ZFTA: variants seen among roughly 807,000 people sequenced by gnomAD.
ZFTA encodes zinc finger translocation-associated protein.
In ZFTA, 35 loss-of-function variants were observed where a neutral mutation model predicts 41.8. That is an observed-to-expected ratio of 0.84 (90% CI 0.64 to 1.11). The LOEUF (loss-of-function observed/expected upper bound fraction) is 1.11, where lower values mean the gene tolerates loss of function less well. Ranked by LOEUF, ZFTA falls within the 50% of genes most tolerant of loss-of-function variation. ZFTA has a pLI of 0.00. For synonymous variants in ZFTA, 514 were observed against 436.4 expected (o/e 1.18, Z -2.22); for missense variants, 964 against 989.8 (o/e 0.97, Z 0.35).
At position 63,765,266 on chromosome 11, in the gene ZFTA, G is replaced by A. The variant is rs1185159442; in HGVS notation, c.638-12C>T. 5 of 1,442,082 alleles carry A rather than the reference G, an allele frequency of 3.5e-6. No homozygotes were observed. The highest frequency in any genetic ancestry group is 4.5e-6 in the Non-Finnish European group (5 of 1,104,868). The allele number at this position is 1,442,082 out of a possible 1,614,324, so 89.3% of individuals were successfully genotyped here. On this transcript the variant is annotated splice_polypyrimidine_tract_variant and intron_variant, in intron 2 of 4. Transcript: ENST00000433688. The surrounding 1 kb of genome is among the most constrained non-coding windows in gnomAD (Gnocchi z 4.0). ...AGCTGGGGCTTTGCCTGAAAGGGTT[G>A]GAGGGAAGGAACTGAGACGCTGGCC...
Position 63,762,979 on chromosome 11 carries a change from C to G in ZFTA, c.*439G>C, listed in dbSNP as rs1163900154. The G allele has an allele frequency of 6.6e-6, 1 of 151,246 alleles. No individual in the cohort carries two copies. The highest frequency in any genetic ancestry group is 3.2e-3 in the Middle Eastern group (1 of 314). The allele number at this position is 151,246 out of a possible 1,614,324, so 9.4% of individuals were successfully genotyped here. On this transcript the variant is annotated 3_prime_UTR_variant, in exon 5 of 5. Coordinates refer to ENST00000433688, the MANE Select transcript of ZFTA (RefSeq NM_001144936.2). ...TGCCAGCGTGCAAGGCTGCAGGGAACTGGGCCCCCAGCCAGGGCCAGAGCC... is the reference window on the plus strand; with the variant it reads ...TGCCAGCGTGCAAGGCTGCAGGGAAGTGGGCCCCCAGCCAGGGCCAGAGCC...
chr11:63,761,849 G>C lies in ZFTA; in HGVS notation c.*1569C>G, dbSNP rs1224166520. 6.6e-6 allele frequency: 1 copy of C among 152,296 alleles called. No homozygotes were observed. The highest frequency in any genetic ancestry group is 1.5e-5 in the Non-Finnish European group (1 of 68,152). 9.4% of individuals were successfully genotyped at this position (152,296 alleles called of 1,614,324 possible). A position where few individuals can be genotyped will look rare whatever the true frequency, so the allele number is the denominator to read the frequency against. On this transcript the variant is annotated 3_prime_UTR_variant, in exon 5 of 5. Transcript: ENST00000433688. ...GCTCTGGCCTGGGGGTCAGGGATGA[G>C]AGGAGGGGCCTCCTCTTTGCCCTCT...
chr11:63,763,914 G>A (rs1444442868), intron 4 of ZFTA, 45 bp from the exon 5 acceptor site: 3 of 1,392,298 alleles, frequency 2.2e-6, no homozygotes, highest in Admixed American at 6.6e-5. Context: ...GGGGGGCAGC[G>A]GGCTGGGCCC....
Position 63,768,706 on chromosome 11 carries a change from G to A in ZFTA, c.-84C>T, listed in dbSNP as rs2135100475. 2 of 619,442 alleles carry A rather than the reference G, an allele frequency of 3.2e-6. No homozygotes were observed. Among genetic ancestry groups the A allele is most frequent in the Non-Finnish European group, 4.0e-6 (2 of 499,292 alleles). 38.4% of individuals were successfully genotyped at this position (619,442 alleles called of 1,614,324 possible). ...GCAGCCCGCGCGGAGCGCTCGCTGC[G>A]CGGGGCCCCGGGGCGCGGGGCGCAT... is the stretch of plus-strand genomic sequence containing the variant. On this transcript the variant is annotated 5_prime_UTR_variant, in exon 1 of 5. Transcript: ENST00000433688.
At position 63,765,776 on chromosome 11, in the gene ZFTA, C is replaced by T; in HGVS notation, c.637+31G>A. The T allele has an allele frequency of 6.9e-7, 1 of 1,442,062 alleles. No individual in the cohort carries two copies. The highest frequency in any genetic ancestry group is 9.1e-7 in the Non-Finnish European group (1 of 1,099,228). The allele number at this position is 1,442,062 out of a possible 1,614,324, so 89.3% of individuals were successfully genotyped here. A position where few individuals can be genotyped will look rare whatever the true frequency, so the allele number is the denominator to read the frequency against. On this transcript the variant is annotated intron_variant, in intron 2 of 4. Coordinates refer to ENST00000433688, the MANE Select transcript of ZFTA (RefSeq NM_001144936.2). This position sits in a 1 kb window ranked among gnomAD's most constrained non-coding sequence, Gnocchi z 4.0. ...CTGTGCCCCACTGGCCACCCAGGCC[C>T]CTGCCTGTACAGAATCTGCATTTGC...
chr11:63,768,524 G>C lies in ZFTA; in HGVS notation c.99C>G (p.Ala33=), dbSNP rs1387092248. Residue 33 remains alanine, a synonymous_variant, in exon 1 of 5, where the codon GCC becomes GCG. Transcript: ENST00000433688. ...ASARGRRLPP[A]GSSGSAEPEE... is the part of the protein sequence containing the mutation. The stretch of plus-strand genomic sequence containing the variant: ...CTGGCTCCGCGCTGCCGCTCGATCC[G>C]GCGGGCGGCAGCCGTCGGCCCCGTG... 8.4e-7 allele frequency: 1 copy of C among 1,197,148 alleles called. No homozygotes were observed. Among genetic ancestry groups the C allele is most frequent in the Non-Finnish European group, 1.0e-6 (1 of 953,340 alleles). 74.2% of individuals were successfully genotyped at this position (1,197,148 alleles called of 1,614,324 possible). A position where few individuals can be genotyped will look rare whatever the true frequency, so the allele number is the denominator to read the frequency against.
intron 3 of ZFTA, 25 bp from the exon 4 acceptor site, chr11:63,764,623 G>A (rs1180968015): frequency 7.9e-7 from 1 of 1,262,374 alleles, no homozygotes; most frequent in Non-Finnish European, 1.0e-6. Context: ...GTGAGGGAGA[G>A]GGGCTCAGCC....
rs1016768905 is a variant in ZFTA, at chr11:63,764,369, G to C, written c.1254C>G (p.Pro418=). The C allele has an allele frequency of 1.5e-6, 2 of 1,312,268 alleles. No homozygotes were observed. The highest frequency in any genetic ancestry group is 3.1e-5 in the African/African-American group (2 of 63,952). 81.3% of individuals were successfully genotyped at this position (1,312,268 alleles called of 1,614,324 possible). A position where few individuals can be genotyped will look rare whatever the true frequency, so the allele number is the denominator to read the frequency against. ...SPRGRAHRRH[P]QERWRLEYLM... ...GGTACTCCAGCCGCCAGCGCTCCTG[G>C]GGGTGGCGGCGGTGGGCGCGGCCCC... Residue 418 remains proline, a synonymous_variant, in exon 4 of 5, where the codon CCC becomes CCG. Coordinates refer to ENST00000433688, the MANE Select transcript of ZFTA (RefSeq NM_001144936.2).
At position 63,763,196 on chromosome 11, in the gene ZFTA, CCCGCAGCGCA is replaced by C. The variant is rs2014677120; in HGVS notation, c.*212_*221del. The stretch of plus-strand genomic sequence containing the variant: ...TCCGGGCCGATGGGAGAGTGCGCTT[CCCGCAGCGCA>C]CCGACTGGCTCAGGGACCCAAGTGG... On this transcript the variant is annotated 3_prime_UTR_variant, in exon 5 of 5. Transcript: ENST00000433688. 4.7e-6 allele frequency: 1 copy of C among 214,176 alleles called. No individual in the cohort carries two copies. The highest frequency in any genetic ancestry group is 2.4e-5 in the African/African-American group (1 of 42,404). 13.3% of individuals were successfully genotyped at this position (214,176 alleles called of 1,614,324 possible). A position where few individuals can be genotyped will look rare whatever the true frequency, so the allele number is the denominator to read the frequency against.
chr11:63,763,712 G>A lies in ZFTA; in HGVS notation c.1743C>T (p.Tyr581=). The A allele has an allele frequency of 6.6e-7, 1 of 1,519,102 alleles. No individual in the cohort carries two copies. The highest frequency in any genetic ancestry group is 1.2e-5 in the South Asian group (1 of 81,490). 94.1% of individuals were successfully genotyped at this position (1,519,102 alleles called of 1,614,324 possible). The part of the protein sequence containing the change: ...PPRSREQRRN[Y]QPRWRGEYLM... ...GGTACTCGCCCCGCCACCGCGGCTG[G>A]TAGTTCCGCCGCTGCTCCCGGCTGC... The change falls in exon 5 of 5, where the codon TAC becomes TAT. Residue 581 remains tyrosine, a synonymous_variant. Transcript: ENST00000433688.
In ZFTA at chr11:63,765,269, G is replaced by T; in HGVS notation, c.638-15C>A. ...TGGGGCTTTGCCTGAAAGGGTTGGA[G>T]GGAAGGAACTGAGACGCTGGCCCCA... On this transcript the variant is annotated splice_polypyrimidine_tract_variant and intron_variant, in intron 2 of 4. Transcript: ENST00000433688. The surrounding 1 kb of genome is among the most constrained non-coding windows in gnomAD (Gnocchi z 4.0). The T allele has an allele frequency of 6.9e-7, 1 of 1,441,156 alleles. No individual in the cohort carries two copies. The allele number at this position is 1,441,156 out of a possible 1,614,324, so 89.3% of individuals were successfully genotyped here.
chr11:63,767,629 G>T (rs986694599), intron 1 of ZFTA: 1 of 152,308 alleles, frequency 6.6e-6, no homozygotes, highest in Non-Finnish European at 1.5e-5. Flanking sequence ...AGGGGATGGG[G>T]CGTTTCTGGG....
intron 3 of ZFTA, 116 bp from the exon 4 acceptor site, chr11:63,764,714 GTC>G (rs2014716211): frequency 1.5e-6 from 2 of 1,348,504 alleles, no homozygotes; most frequent in Admixed American, 3.5e-5. Flanking sequence ...GCCCCAGTCT[GTC>G]TCTGTCTGGG....
In ZFTA at chr11:63,763,291, G is replaced by C. The variant is rs1326182622; in HGVS notation, c.*127C>G. 14 of 655,102 alleles carry C rather than the reference G, an allele frequency of 2.1e-5. No homozygotes were observed. The South Asian group carries it at 8.6e-4, about 40-fold the overall frequency. 40.6% of individuals were successfully genotyped at this position (655,102 alleles called of 1,614,324 possible). On this transcript the variant is annotated 3_prime_UTR_variant, in exon 5 of 5. Coordinates refer to ENST00000433688, the MANE Select transcript of ZFTA (RefSeq NM_001144936.2). ...CCGTCTCCGCCCGGCCCGGCCAGCG[G>C]GGGGCGCGGCCGCGGGAAGCGCTAA...
chr11:63,761,143 G>A lies in ZFTA; in HGVS notation c.*2275C>T, dbSNP rs2014625140. The A allele has an allele frequency of 6.6e-6, 1 of 152,190 alleles. No homozygotes were observed. Among genetic ancestry groups the A allele is most frequent in the Non-Finnish European group, 1.5e-5 (1 of 68,036 alleles). 9.4% of individuals were successfully genotyped at this position (152,190 alleles called of 1,614,324 possible). A position where few individuals can be genotyped will look rare whatever the true frequency, so the allele number is the denominator to read the frequency against. ...GAAAGTAAAAGAATGGCAGTGCCCAGCCTGGTGCCATCCATAATCTCCGTT... is the reference window on the plus strand; with the variant it reads ...GAAAGTAAAAGAATGGCAGTGCCCAACCTGGTGCCATCCATAATCTCCGTT... On this transcript the variant is annotated 3_prime_UTR_variant, in exon 5 of 5. Transcript: ENST00000433688.
In ZFTA at chr11:63,761,586, G is replaced by A. The variant is rs2014638646; in HGVS notation, c.*1832C>T. On this transcript the variant is annotated 3_prime_UTR_variant, in exon 5 of 5. Coordinates refer to ENST00000433688, the MANE Select transcript of ZFTA (RefSeq NM_001144936.2). ...TCGTGCAAAGAACACTGAGTCAGGA[G>A]CTAGGATTTTCATTCTAGTTCTTGT... 2 of 152,242 alleles carry A rather than the reference G, an allele frequency of 1.3e-5. No individual in the cohort carries two copies. The highest frequency in any genetic ancestry group is 4.8e-5 in the African/African-American group (2 of 41,452). The allele number at this position is 152,242 out of a possible 1,614,324, so 9.4% of individuals were successfully genotyped here.
rs2014720520 is a variant in ZFTA at position 63,764,968 on chromosome 11, G to A, written c.924C>T (p.His308=). The A allele has an allele frequency of 5.2e-6, 8 of 1,548,610 alleles. No homozygotes were observed. Among genetic ancestry groups the A allele is most frequent in the Non-Finnish European group, 7.0e-6 (8 of 1,146,592 alleles). The change falls in exon 3 of 5, where the codon CAC becomes CAT. Residue 308 remains histidine, a synonymous_variant. Coordinates refer to ENST00000433688, the MANE Select transcript of ZFTA (RefSeq NM_001144936.2). ...DDIRAHVLEV[H]PGSLGLSGPQ... ...GGCCGCTGAGCCCCAGGGAGCCAGG[G>A]TGCACCTCCAGCACGTGGGCACGGA...
At position 63,768,506 on chromosome 11, in the gene ZFTA, C is replaced by A; in HGVS notation, c.117G>T (p.Ala39=). 8.3e-7 allele frequency: 1 copy of A among 1,207,818 alleles called. No individual in the cohort carries two copies. Among genetic ancestry groups the A allele is most frequent in the Non-Finnish European group, 1.0e-6 (1 of 958,490 alleles). The allele number at this position is 1,207,818 out of a possible 1,614,324, so 74.8% of individuals were successfully genotyped here. A position where few individuals can be genotyped will look rare whatever the true frequency, so the allele number is the denominator to read the frequency against. Residue 39 remains alanine (A), a synonymous_variant, in exon 1 of 5, where the codon GCG becomes GCT. Coordinates refer to ENST00000433688, the MANE Select transcript of ZFTA (RefSeq NM_001144936.2). ...RLPPAGSSGS[A]EPEEDEGGQD... ...TACCGCCTTCGTCTTCCTCTGGCTC[C>A]GCGCTGCCGCTCGATCCGGCGGGCG...
In ZFTA at chr11:63,766,173, G is replaced by C. The variant is rs1320632910; in HGVS notation, c.271C>G (p.Pro91Ala). The change falls in exon 2 of 5, where the codon CCT becomes GCT. Residue 91 changes from proline (P) to alanine (A), a missense_variant. Around this residue, in one of 5 missense-constraint regions of ZFTA, gnomAD observed 141 missense variants for 216.7 expected, o/e 0.65. Coordinates refer to ENST00000433688, the MANE Select transcript of ZFTA (RefSeq NM_001144936.2). ...SDHCEARASRPGKSRIPGRDH... is the reference protein window; with the variant it reads ...SDHCEARASRAGKSRIPGRDH... ...CGGCCAGGGATGCGGCTCTTTCCAG[G>C]CCTCGAGGCCCGGGCCTCACAGTGG... is the stretch of plus-strand genomic sequence containing the variant. The C allele has an allele frequency of 6.6e-6, 10 of 1,521,542 alleles. No homozygotes were observed. Among genetic ancestry groups the C allele is most frequent in the African/African-American group, 1.4e-5 (1 of 71,960 alleles). The allele number at this position is 1,521,542 out of a possible 1,614,324, so 94.3% of individuals were successfully genotyped here.
Sources: allele counts gnomAD v4.1 joint callset, GRCh38; gene constraint gnomAD v4.1.1; regional missense constraint gnomAD v4.1.1; non-coding constraint Gnocchi (gnomAD v3.1); transcripts MANE v1.5; gene names NCBI Gene and HGNC (gene_info 2026-07-23, HGNC 2026-07-21).